The following DLC1 variants were observed in gnomAD, a reference collection of about 807,000 sequenced individuals.
The protein encoded by DLC1 is rho GTPase-activating protein 7.
In DLC1, 54 loss-of-function variants were observed where a neutral mutation model predicts 140.3. That is an observed-to-expected ratio of 0.38 (90% CI 0.31 to 0.48). DLC1 has a LOEUF of 0.48. Ranked by LOEUF, DLC1 falls within the 20% of genes least tolerant of loss-of-function variation. DLC1 has a pLI of 0.96. For synonymous variants in DLC1, 986 were observed against 728.1 expected, an observed-to-expected ratio of 1.35 and a Z score of -5.70; for missense variants, 2,536 against 1,907.0, an observed-to-expected ratio of 1.33 and a Z score of -6.14.
intron 5 of DLC1, among the ~76,000 whole-genome samples, chr8:13,187,888 T>C (rs1339296979): frequency 6.6e-6 from 1 of 152,186 alleles, no homozygotes; most frequent in Non-Finnish European, 1.5e-5. Context: ...AGTTGTTTCT[T>C]TGTATGGTGT....
intron 2 of DLC1, among the ~76,000 whole-genome samples, chr8:13,405,897 CT>C (rs1408726842): frequency 7.2e-5 from 7 of 97,432 alleles, no homozygotes; most frequent in African/African-American, 2.6e-4. Flanking sequence ...TTCTTTCTTT[CT>C]TTTTCTTTCT....
At chr8:13,554,835 C>T (rs1803985436) in intron 1 of DLC1, among the ~76,000 whole-genome samples, 1 of 152,142 alleles carries the variant, frequency 6.6e-6, no homozygotes, top group Admixed American at 6.5e-5. Flanking sequence ...GATGTCTGCT[C>T]AAATATTCTA....
At chr8:13,425,760 T>C (rs1838546435) in intron 2 of DLC1, among the ~76,000 whole-genome samples, 1 of 152,216 alleles carries the variant, frequency 6.6e-6, no homozygotes, top group South Asian at 2.1e-4. Context: ...AAAACTATTT[T>C]TCTGTTTTTA....
Position 13,095,244 on chromosome 8 carries a change from C to A in DLC1, c.3169G>T (p.Ala1057Ser). The change falls in exon 11 of 18, where the codon GCC becomes TCC. Residue 1057 changes from alanine to serine, a missense_variant and splice_region_variant. Transcript: ENST00000276297. The part of the protein sequence containing the change: ...TPSNKHGFSW[A>S]VPKFMKRIKV... ...ATCCTCTTCATGAACTTGGGCACGGCCCTGTTAAAGAACACAGAGATGGTG... is the reference window on the plus strand; with the variant it reads ...ATCCTCTTCATGAACTTGGGCACGGACCTGTTAAAGAACACAGAGATGGTG... The A allele has an allele frequency of 6.8e-6, 11 of 1,614,218 alleles. No homozygotes were observed. Among genetic ancestry groups the A allele is most frequent in the Non-Finnish European group, 9.3e-6 (11 of 1,180,038 alleles).
intron 5 of DLC1, among the ~76,000 whole-genome samples, chr8:13,229,096 C>T (rs185545072): frequency 7.2e-5 from 11 of 152,182 alleles, no homozygotes; most frequent in African/African-American, 2.2e-4. Flanking sequence ...CCAAGAGCAA[C>T]GAAAATGCAT....
chr8:13,405,436 A>G (rs1401289601), intron 2 of DLC1, among the ~76,000 whole-genome samples: 2 of 152,214 alleles, frequency 1.3e-5, no homozygotes, highest in Admixed American at 6.5e-5. Context: ...TGTCATTTGG[A>G]CACTTCACTC....
intron 2 of DLC1, among the ~76,000 whole-genome samples, chr8:13,453,435 TA>T (rs1799203291): frequency 8.9e-5 from 3 of 33,646 alleles, no homozygotes; most frequent in South Asian, 9.7e-4. Flanking sequence ...TGTATATATA[TA>T]TGTATATATA....
intron 1 of DLC1, among the ~76,000 whole-genome samples, chr8:13,570,983 T>A (rs1472974054): frequency 6.6e-6 from 1 of 152,176 alleles, no homozygotes; most frequent in Non-Finnish European, 1.5e-5. Context: ...AGGAGAGAAC[T>A]CACGGAATCA....
At chr8:13,122,347 C>T (rs1821162487) in intron 5 of DLC1, among the ~76,000 whole-genome samples, 1 of 152,200 alleles carries the variant, frequency 6.6e-6, no homozygotes, top group Non-Finnish European at 1.5e-5. Context: ...ACGTACCAAG[C>T]TCTCATACCT....
In DLC1 at chr8:13,098,504, T is replaced by G. The variant is rs76075082; in HGVS notation, c.3062A>C (p.Asn1021Thr). 1.2e-6 allele frequency: 2 copies of G among 1,614,222 alleles called. No homozygotes were observed. The highest frequency in any genetic ancestry group is 4.5e-5 in the East Asian group (2 of 44,884). The change falls in exon 10 of 18, where the codon AAC becomes ACC. Residue 1021 changes from asparagine to threonine, a missense_variant. Coordinates refer to ENST00000276297, the MANE Select transcript of DLC1 (RefSeq NM_182643.3). ...GTTCATCTGGGCCACAGACTGGCAG[T>G]TAATCTGTAGTGATACAGAGTTGAG... ...PSLNSVSLQINCQSVAQMNLL... is the reference protein window; with the variant it reads ...PSLNSVSLQITCQSVAQMNLL...
chr8:13,170,424 A>G (rs1456966312), intron 5 of DLC1, among the ~76,000 whole-genome samples: 1 of 152,212 alleles, frequency 6.6e-6, no homozygotes, highest in Non-Finnish European at 1.5e-5. Flanking sequence ...TTATCTCAGA[A>G]AAGCACTTTG....
chr8:13,572,933 CA>C (rs1804713617), intron 1 of DLC1, among the ~76,000 whole-genome samples: 2 of 151,956 alleles, frequency 1.3e-5, no homozygotes, highest in African/African-American at 4.8e-5. Flanking sequence ...CCTTTTTGTT[CA>C]AGATTGTTTT....
intron 1 of DLC1, among the ~76,000 whole-genome samples, chr8:13,596,476 T>G (rs1051812019): frequency 6.6e-6 from 1 of 152,016 alleles, no homozygotes; most frequent in African/African-American, 2.4e-5. Context: ...ATCAGATTCC[T>G]TAGAGGCCTT....
intron 5 of DLC1, among the ~76,000 whole-genome samples, chr8:13,273,090 A>G (rs1329163742): frequency 6.6e-6 from 1 of 152,204 alleles, no homozygotes; most frequent in Non-Finnish European, 1.5e-5. Flanking sequence ...TATTCTGAGA[A>G]GTGATCCATA....
chr8:13,421,810 A>G (rs950117750), intron 2 of DLC1, among the ~76,000 whole-genome samples: 2 of 152,114 alleles, frequency 1.3e-5, no homozygotes, highest in African/African-American at 4.8e-5. Flanking sequence ...CTTTCCCAAT[A>G]TGGTAATAAC....
At chr8:13,338,196 T>G (rs959021191) in intron 4 of DLC1, among the ~76,000 whole-genome samples, 2 of 152,228 alleles carry the variant, frequency 1.3e-5, no homozygotes, top group African/African-American at 4.8e-5. Flanking sequence ...AATCCACCTC[T>G]TGGGGACTGG....
chr8:13,225,029 C>T (rs547200166), intron 5 of DLC1, among the ~76,000 whole-genome samples: 3 of 152,252 alleles, frequency 2.0e-5, no homozygotes, highest in African/African-American at 7.2e-5. Context: ...CAGGAAATGA[C>T]AGGCCAGCCT....
At chr8:13,343,115 A>C (rs1454901499) in intron 4 of DLC1, among the ~76,000 whole-genome samples, 2 of 152,204 alleles carry the variant, frequency 1.3e-5, no homozygotes, top group East Asian at 3.9e-4. Context: ...AAACAGGCGC[A>C]CTTGTGACTT....
intron 1 of DLC1, among the ~76,000 whole-genome samples, chr8:13,590,081 A>G (rs1302788688): frequency 6.6e-6 from 1 of 151,542 alleles, no homozygotes; most frequent in Non-Finnish European, 1.5e-5. Context: ...ATATATACAA[A>G]CACATGCTTT....
Sources: gnomAD v4.1 joint callset for allele counts (sites outside exome capture counted in the v4.1 genomes callset) on GRCh38, gnomAD v4.1.1 for gene constraint, MANE v1.5 for transcripts, NCBI Gene and HGNC (gene_info 2026-07-23, HGNC 2026-07-21) for gene names.